Variants in MYH7B observed in about 807,000 individuals in gnomAD.
MYH7B encodes the protein myosin-7B.
Under a neutral mutation model 234.5 loss-of-function variants are expected in MYH7B, and 205 were observed. That is an observed-to-expected ratio of 0.87 (90% CI 0.78 to 0.98). The LOEUF (loss-of-function observed/expected upper bound fraction) is 0.98. Among genes scored for constraint, MYH7B ranks in the 50% least tolerant of loss-of-function variants. The pLI is 0.00. For missense variants in MYH7B, 2,652 were observed against 2,633.4 expected (o/e 1.01, Z -0.15); for synonymous variants, 1,193 against 1,105.0 (o/e 1.08, Z -1.58).
chr20:34,999,350 C>T (rs1451767687), exon 36 of MYH7B: 6 of 1,549,896 alleles, frequency 3.9e-6, no homozygotes, highest in South Asian at 1.2e-5. Flanking sequence ...GGCACGGCCA[C>T]GAGGAGGCAC....
At chr20:34,987,415 C>A in intron 16 of MYH7B, 128 bp downstream of exon 16, 1 of 1,432,816 alleles carries the variant, frequency 7.0e-7, no homozygotes, top group Non-Finnish European at 9.6e-7. Flanking sequence ...CAGCTCCAAA[C>A]CCTTACCCTC....
intron 9 of MYH7B, 78 bp from the exon 10 acceptor site, chr20:34,982,381 G>A: frequency 7.9e-7 from 1 of 1,260,870 alleles, no homozygotes; most frequent in Non-Finnish European, 1.2e-6. Context: ...GGAGGGCTCT[G>A]CTTGAGGGGT....
chr20:34,972,376 C>T (rs893010603), intron 2 of MYH7B, among the ~76,000 whole-genome samples: 3 of 151,894 alleles, frequency 2.0e-5, no homozygotes, highest in African/African-American at 4.8e-5. Flanking sequence ...CCCGCCTCAC[C>T]GGCTTCTTGG....
exon 32 of MYH7B, chr20:34,997,566 GAGA>G (rs775050865): frequency 6.8e-5 from 110 of 1,612,918 alleles, no homozygotes; most frequent in Non-Finnish European, 7.1e-5. Context: ...GCAGAAGCTG[GAGA>G]AGGAGAAGAG....
intron 19 of MYH7B, among the ~76,000 whole-genome samples, chr20:34,988,708 AAAATTTG>A (rs1326336336): frequency 1.3e-5 from 2 of 152,184 alleles, no homozygotes; most frequent in Non-Finnish European, 2.9e-5. Flanking sequence ...TGGAAGAAAG[AAAATTTG>A]AAAAATTGGC....
exon 44 of MYH7B, chr20:35,001,991 A>C: frequency 6.2e-7 from 1 of 1,614,060 alleles, no homozygotes; most frequent in Non-Finnish European, 8.5e-7. Flanking sequence ...CGCAAGGCCC[A>C]GCACGAGCTG....
At chr20:35,000,325 A>G (rs1337963663) in exon 39 of MYH7B, 1 of 1,593,644 alleles carries the variant, frequency 6.3e-7, no homozygotes, top group Non-Finnish European at 8.5e-7. Flanking sequence ...GAGTCCCTGC[A>G]GGCCTCCCTG....
At position 34,997,360 on chromosome 20, in the gene MYH7B, G is replaced by C. The variant is rs771375032; in HGVS notation, c.3467G>C (p.Arg1156Pro). 1.6e-5 allele frequency: 25 copies of C among 1,529,720 alleles called. No homozygotes were observed. The highest frequency in any genetic ancestry group is 2.2e-5 in the Non-Finnish European group (25 of 1,142,438). 94.8% of individuals were successfully genotyped at this position (1,529,720 alleles called of 1,614,324 possible). A position where few individuals can be genotyped will look rare whatever the true frequency, so the allele number is the denominator to read the frequency against. Reference sequence around the variant, plus strand: ...CGGGAGCTGGAGGAGCTGAGCGAGCGGCTGGAGGAGGCAGGCGGCGCATCC... The same window carrying C: ...CGGGAGCTGGAGGAGCTGAGCGAGCCGCTGGAGGAGGCAGGCGGCGCATCC... The change falls in exon 32 of 45, where the codon CGG (arginine) becomes CCG (proline). Residue 1156 changes from arginine (R) to proline (P), a missense_variant. Around this residue, in one of 3 missense-constraint regions of MYH7B, gnomAD observed 2,279 missense variants for 2,211.4 expected, o/e 1.03. Transcript: ENST00000262873.
intron 19 of MYH7B, among the ~76,000 whole-genome samples, chr20:34,988,558 A>G (rs900899947): frequency 6.6e-6 from 1 of 152,160 alleles, no homozygotes; most frequent in Non-Finnish European, 1.5e-5. Flanking sequence ...CTGGGTGCTC[A>G]GAATTCTGCA....
intron 2 of MYH7B, among the ~76,000 whole-genome samples, chr20:34,962,820 G>A (rs751052010): frequency 1.3e-5 from 2 of 152,124 alleles, no homozygotes; most frequent in Non-Finnish European, 2.9e-5. Context: ...CATCTCGGCC[G>A]GGTGCAGTGG....
chr20:34,963,331 A>G (rs2081715299), intron 2 of MYH7B, among the ~76,000 whole-genome samples: 1 of 152,220 alleles, frequency 6.6e-6, no homozygotes, highest in Non-Finnish European at 1.5e-5. Flanking sequence ...GCATTTTCCT[A>G]ATGACAAATA....
chr20:34,979,872 C>T (rs1035717438), intron 7 of MYH7B, 68 bp downstream of exon 7: 10 of 1,492,772 alleles, frequency 6.7e-6, no homozygotes, highest in Non-Finnish European at 9.0e-6. Context: ...AGATGAGGTG[C>T]TGGGGGCGGG....
intron 29 of MYH7B, 43 bp from the exon 30 acceptor site, chr20:34,996,570 C>T: frequency 6.2e-7 from 1 of 1,600,618 alleles, no homozygotes; most frequent in Non-Finnish European, 8.5e-7. Flanking sequence ...GGGGTGCCGG[C>T]TGGCTTGGGC....
intron 1 of MYH7B, among the ~76,000 whole-genome samples, chr20:34,957,215 A>G (rs2081647207): frequency 6.6e-6 from 1 of 152,216 alleles, no homozygotes; most frequent in Non-Finnish European, 1.5e-5. Flanking sequence ...CGCCAGTTCC[A>G]CTGAGCAACA....
chr20:34,998,644 G>A lies in MYH7B; in HGVS notation c.3993+15G>A. 16 of 1,612,896 alleles carry A rather than the reference G, an allele frequency of 9.9e-6. No individual in the cohort carries two copies. Among genetic ancestry groups the A allele is most frequent in the Non-Finnish European group, 1.4e-5 (16 of 1,179,854 alleles). Reference sequence around the variant, plus strand: ...AGGAAAGCAAGGTGGGCTGGCACCGGTGACCATGGAGTGGGCAGGTGGGCA... The same window carrying A: ...AGGAAAGCAAGGTGGGCTGGCACCGATGACCATGGAGTGGGCAGGTGGGCA... On this transcript the variant is annotated intron_variant, in intron 34 of 44. Transcript: ENST00000262873.
chr20:34,999,314 C>A, exon 36 of MYH7B: 1 of 1,578,200 alleles, frequency 6.3e-7, no homozygotes. Flanking sequence ...AGTCCCGTGG[C>A]CTGGGCACCG....
chr20:34,963,971 AAAAATAC>A (rs1268629886), intron 2 of MYH7B, among the ~76,000 whole-genome samples: 6 of 152,210 alleles, frequency 3.9e-5, no homozygotes, highest in African/African-American at 1.4e-4. Context: ...TTCATTGCAT[AAAAATAC>A]CAAAGTGGCA....
chr20:34,999,419 C>T lies in MYH7B; in HGVS notation c.4540+14C>T. The T allele has an allele frequency of 1.3e-6, 2 of 1,508,092 alleles. No individual in the cohort carries two copies. The highest frequency in any genetic ancestry group is 1.3e-5 in the South Asian group (1 of 74,342). The allele number at this position is 1,508,092 out of a possible 1,614,324, so 93.4% of individuals were successfully genotyped here. A position where few individuals can be genotyped will look rare whatever the true frequency, so the allele number is the denominator to read the frequency against. ...AGAACCTGCAGGGTAGGACCTGCCA[C>T]ACGCCAGGGCCAGGGTGCTGCCCTG... On this transcript the variant is annotated intron_variant, in intron 36 of 44. Transcript: ENST00000262873.
rs747467166 is a variant in MYH7B, at chr20:34,984,681, T to C, written c.625-11T>C. ...CCTGGCCCTCTAATGTTGTCTGTCTTCTTCCCCCAGCAATTTCTGGCAACA... is the reference window on the plus strand; with the variant it reads ...CCTGGCCCTCTAATGTTGTCTGTCTCCTTCCCCCAGCAATTTCTGGCAACA... On this transcript the variant is annotated splice_polypyrimidine_tract_variant and intron_variant, in intron 10 of 44. Coordinates refer to ENST00000262873, the Ensembl canonical transcript of MYH7B. 3 of 1,604,288 alleles carry C rather than the reference T, an allele frequency of 1.9e-6. No homozygotes were observed. The highest frequency in any genetic ancestry group is 1.7e-6 in the Non-Finnish European group (2 of 1,177,288).
Sources: gnomAD v4.1 joint callset for allele counts (sites outside exome capture counted in the v4.1 genomes callset) on GRCh38, gnomAD v4.1.1 for gene constraint, gnomAD v4.1.1 regional missense constraint, MANE v1.5 for transcripts, NCBI Gene and HGNC (gene_info 2026-07-23, HGNC 2026-07-21) for gene names.